Variants in RDH10 observed in about 807,000 individuals in gnomAD.
The protein encoded by RDH10 is retinol dehydrogenase 10 (all-trans).
Under a neutral mutation model 30.2 loss-of-function variants are expected in RDH10, and 12 were observed. The ratio of observed to expected loss-of-function variants is 0.40; its 90% CI spans 0.25 to 0.64. The LOEUF (loss-of-function observed/expected upper bound fraction) is 0.64, where lower values mean the gene tolerates loss of function less well. Among genes scored for constraint, RDH10 ranks in the 30% least tolerant of loss-of-function variants. The pLI, the probability that RDH10 is intolerant of heterozygous loss-of-function variation, is 0.43. For missense variants in RDH10, 268 were observed against 445.2 expected (o/e 0.60, Z 3.58); for synonymous variants, 189 against 172.2 (o/e 1.10, Z -0.76).
In RDH10 at chr8:73,305,152, A is replaced by G. The variant is rs550133160; in HGVS notation, c.525+7723A>G. On this transcript the variant is annotated intron_variant, in intron 2 of 5. Transcript: ENST00000240285. ...GAGTGCCCCGGCAGAGCCCTTAGCC[A>G]TTCATTGCAGGATTGGGTCACTACA... 3.3e-5 allele frequency among the ~76,000 whole-genome samples: 5 copies of G among 152,344 alleles called. No individual in the cohort carries two copies. In the South Asian group the frequency reaches 1.0e-3, roughly 32 times the overall value.
At chr8:73,307,349 G>T (rs958137123) in intron 2 of RDH10, among the ~76,000 whole-genome samples, 1 of 152,134 alleles carries the variant, frequency 6.6e-6, no homozygotes, top group Non-Finnish European at 1.5e-5. Flanking sequence ...CTGCGTGGAG[G>T]GCAGGGAGGA....
intron 4 of RDH10, chr8:73,321,657 A>G: frequency 2.7e-6 from 1 of 370,404 alleles, no homozygotes; most frequent in Non-Finnish European, 5.4e-6. Context: ...GGGAATATAA[A>G]TGTCAAGTTA....
chr8:73,312,536 A>AG (rs1240251069), intron 2 of RDH10: 2 of 152,258 alleles, frequency 1.3e-5, no homozygotes, highest in African/African-American at 4.8e-5. Flanking sequence ...GTAAATAAGC[A>AG]GGAGAGTGTT....
rs181169981 is a variant in RDH10 at position 73,296,824 on chromosome 8, C to T, written c.290-370C>T. On this transcript the variant is annotated intron_variant, in intron 1 of 5. Transcript: ENST00000240285. The stretch of plus-strand genomic sequence containing the variant: ...GCTGTTTCTCTTGGGCCACTGTTTC[C>T]CCAAAAAAAGAGGAGTGTGTAGTGT... Among the ~76,000 whole-genome samples, 222 of 152,154 alleles carry T rather than the reference C, an allele frequency of 1.5e-3. 1 individual carries two copies. Among genetic ancestry groups the T allele is most frequent in the African/African-American group, 5.0e-3 (209 of 41,502 alleles).
chr8:73,305,116 G>T (rs1814444812), intron 2 of RDH10, among the ~76,000 whole-genome samples: 1 of 152,210 alleles, frequency 6.6e-6, no homozygotes, highest in Non-Finnish European at 1.5e-5. Flanking sequence ...TTCTCAAAAA[G>T]ACTGAATGCA....
chr8:73,295,764 C>T (rs978270795), intron 1 of RDH10, 186 bp downstream of exon 1: 2 of 928,364 alleles, frequency 2.2e-6, no homozygotes, highest in Non-Finnish European at 3.0e-6. Context: ...TTCTGTATTA[C>T]CAGGGAGAAG....
In RDH10 at chr8:73,320,062, G is replaced by A. The variant is rs112708811; in HGVS notation, c.624+868G>A. On this transcript the variant is annotated intron_variant, in intron 3 of 5. Transcript: ENST00000240285. Reference sequence around the variant, plus strand: ...CAATAACTTTTTTTCTATATTCTGTGCCTTTAGGTTAAGTTCTAGTTTAAG... The same window carrying A: ...CAATAACTTTTTTTCTATATTCTGTACCTTTAGGTTAAGTTCTAGTTTAAG... Among the ~76,000 whole-genome samples the A allele has an allele frequency of 1.5e-3, 222 of 152,266 alleles. 1 individual carries two copies. The highest frequency in any genetic ancestry group is 6.8e-3 in the Middle Eastern group (2 of 294).
chr8:73,300,621 A>G (rs934300565), intron 2 of RDH10, among the ~76,000 whole-genome samples: 4 of 152,216 alleles, frequency 2.6e-5, no homozygotes, highest in African/African-American at 7.2e-5. Context: ...TTCAACAAGT[A>G]GTATGTTGAT....
At chr8:73,321,699 A>T (rs543307348) in intron 4 of RDH10, 1 of 414,190 alleles carries the variant, frequency 2.4e-6, no homozygotes, top group East Asian at 7.2e-5. Flanking sequence ...AATAAACAAA[A>T]CTGTGAATCA....
chr8:73,295,372 G>A lies in RDH10; in HGVS notation c.83G>A (p.Arg28Gln), dbSNP rs1390959398. The part of the protein sequence containing the change: ...FVLAAARWLV[R>Q]PKEKSVAGQV... Reference sequence around the variant, plus strand: ...CTGGCCGCGGCGCGCTGGCTGGTGCGGCCCAAGGAGAAGAGCGTGGCGGGC... The same window carrying A: ...CTGGCCGCGGCGCGCTGGCTGGTGCAGCCCAAGGAGAAGAGCGTGGCGGGC... Residue 28 changes from arginine (R) to glutamine (Q), a missense_variant, in exon 1 of 6, where the codon CGG (arginine) becomes CAG (glutamine). Around this residue, in one of 4 missense-constraint regions of RDH10, gnomAD observed 44 missense variants for 42.1 expected, o/e 1.04. Transcript: ENST00000240285. 1.3e-6 allele frequency: 2 copies of A among 1,558,150 alleles called. No individual in the cohort carries two copies. The highest frequency in any genetic ancestry group is 1.7e-6 in the Non-Finnish European group (2 of 1,152,850).
chr8:73,307,046 G>A (rs1303106862), intron 2 of RDH10, among the ~76,000 whole-genome samples: 2 of 152,210 alleles, frequency 1.3e-5, no homozygotes, highest in East Asian at 3.8e-4. Flanking sequence ...TTGGGAAAGA[G>A]AAGCATAAGG....
In RDH10 at chr8:73,295,264, G is replaced by A; in HGVS notation, c.-26G>A. ...GGGTGGGCGCGGACGCAGGCACTGGGCTCGTGCGGGGCCCCGGGCGTCGCG... is the reference window on the plus strand; with the variant it reads ...GGGTGGGCGCGGACGCAGGCACTGGACTCGTGCGGGGCCCCGGGCGTCGCG... On this transcript the variant is annotated 5_prime_UTR_variant, in exon 1 of 6. Coordinates refer to ENST00000240285, the MANE Select transcript of RDH10 (RefSeq NM_172037.5). The A allele has an allele frequency of 6.5e-7, 1 of 1,539,986 alleles. No homozygotes were observed.
chr8:73,295,120 G>T lies in RDH10; in HGVS notation c.-170G>T. 2 of 479,816 alleles carry T rather than the reference G, an allele frequency of 4.2e-6. No homozygotes were observed. Among genetic ancestry groups the T allele is most frequent in the Non-Finnish European group, 6.7e-6 (2 of 297,662 alleles). 29.7% of individuals were successfully genotyped at this position (479,816 alleles called of 1,614,324 possible). ...GGCGGGAGTGGCCCCGCGCAGGCAG[G>T]GAGCGGCGCCGCGCACTCCAACCCG... On this transcript the variant is annotated 5_prime_UTR_variant, in exon 1 of 6. Coordinates refer to ENST00000240285, the MANE Select transcript of RDH10 (RefSeq NM_172037.5).
rs776452223 is a variant in RDH10 at position 73,297,436 on chromosome 8, A to AT, written c.525+8dup. On this transcript the variant is annotated splice_region_variant and intron_variant, in intron 2 of 5. Transcript: ENST00000240285. ...TTGCCATGCACACTTCTGGGTAAAT[A>AT]TAAACATCCTTGTTTTCTTTGCTGG... The AT allele has an allele frequency of 6.3e-7, 1 of 1,579,236 alleles. No individual in the cohort carries two copies. Among genetic ancestry groups the AT allele is most frequent in the South Asian group, 1.1e-5 (1 of 90,356 alleles).
chr8:73,315,582 G>T (rs1248870770), intron 2 of RDH10: 1 of 455,630 alleles, frequency 2.2e-6, no homozygotes, highest in Non-Finnish European at 4.4e-6. Context: ...GTGGTGCTGG[G>T]GATCTGGATT....
intron 2 of RDH10, among the ~76,000 whole-genome samples, chr8:73,302,927 G>C (rs1456367709): frequency 6.6e-6 from 1 of 152,146 alleles, no homozygotes; most frequent in Non-Finnish European, 1.5e-5. Flanking sequence ...TAACCAAAAG[G>C]GGGAAGCAAA....
rs529634761 is a variant in RDH10 at position 73,298,215 on chromosome 8, A to T, written c.525+786A>T. Among the ~76,000 whole-genome samples the T allele has an allele frequency of 2.6e-5, 4 of 152,278 alleles. No homozygotes were observed. The East Asian group carries it at 7.7e-4, about 29-fold the overall frequency. Reference sequence around the variant, plus strand: ...TAACTGCACACTGCTGACCCACTTTATGCTCTTTTTCCTCACAGTATTTTC... The same window carrying T: ...TAACTGCACACTGCTGACCCACTTTTTGCTCTTTTTCCTCACAGTATTTTC... On this transcript the variant is annotated intron_variant, in intron 2 of 5. Coordinates refer to ENST00000240285, the MANE Select transcript of RDH10 (RefSeq NM_172037.5).
Position 73,325,143 on chromosome 8 carries a change from T to A in RDH10, c.*2107T>A, listed in dbSNP as rs141989272. 1.3e-5 allele frequency: 2 copies of A among 152,232 alleles called. No homozygotes were observed. Among genetic ancestry groups the A allele is most frequent in the East Asian group, 1.9e-4 (1 of 5,198 alleles). 9.4% of individuals were successfully genotyped at this position (152,232 alleles called of 1,614,324 possible). A position where few individuals can be genotyped will look rare whatever the true frequency, so the allele number is the denominator to read the frequency against. ...CTGTTATAATTTAACAACCCACTTA[T>A]CCACCTTAAAACTGAGGAAAGTCGT... On this transcript the variant is annotated 3_prime_UTR_variant, in exon 6 of 6. Transcript: ENST00000240285.
rs11779182 is a variant in RDH10 at position 73,318,429 on chromosome 8, G to C, written c.526-667G>C. Among the ~76,000 whole-genome samples the C allele has an allele frequency of 2.6e-4, 39 of 152,170 alleles. No individual in the cohort carries two copies. The East Asian group carries it at 7.4e-3, about 29-fold the overall frequency. The stretch of plus-strand genomic sequence containing the variant: ...CTTGCATCTGTGGCAGAGTCCCTGC[G>C]GTGAAACCCATGTTGGAATGTGACT... On this transcript the variant is annotated intron_variant, in intron 2 of 5. Coordinates refer to ENST00000240285, the MANE Select transcript of RDH10 (RefSeq NM_172037.5).
Sources: gnomAD v4.1 joint callset for allele counts (sites outside exome capture counted in the v4.1 genomes callset) on GRCh38, gnomAD v4.1.1 for gene constraint, gnomAD v4.1.1 regional missense constraint, MANE v1.5 for transcripts, NCBI Gene and HGNC (gene_info 2026-07-23, HGNC 2026-07-21) for gene names.